MED28: variants seen among roughly 807,000 people sequenced by gnomAD.
The protein encoded by MED28 is mediator of RNA polymerase II transcription subunit 28.
A neutral mutation model predicts 21.3 loss-of-function variants in MED28; 26 were observed. The ratio of observed to expected loss-of-function variants is 1.22; its 90% CI spans 0.89 to 1.69. The LOEUF (loss-of-function observed/expected upper bound fraction) is 1.69. Among genes scored for constraint, MED28 ranks in the 40% most tolerant of loss-of-function variants. MED28 has a pLI of 0.00. For synonymous variants in MED28, 110 were observed against 87.6 expected, an observed-to-expected ratio of 1.26 and a Z score of -1.43; for missense variants, 257 against 215.4, an observed-to-expected ratio of 1.19 and a Z score of -1.21.
rs1714857046 is a variant in MED28 at position 17,629,288 on chromosome 4, T to G, written c.*5490T>G. ...GGTGGAGGTGAGGTGACGGTAGAGA[T>G]CAGTGCTACCCTTGGAAATCTGACA... is the stretch of plus-strand genomic sequence containing the variant. On this transcript the variant is annotated 3_prime_UTR_variant, in exon 4 of 4. Transcript: ENST00000237380. The G allele has an allele frequency of 6.6e-6, 1 of 152,252 alleles. No homozygotes were observed. The highest frequency in any genetic ancestry group is 2.1e-4 in the South Asian group (1 of 4,824). 9.4% of individuals were successfully genotyped at this position (152,252 alleles called of 1,614,324 possible). A position where few individuals can be genotyped will look rare whatever the true frequency, so the allele number is the denominator to read the frequency against.
At chr4:17,621,910 A>G (rs1041009285) in intron 3 of MED28, among the ~76,000 whole-genome samples, 1 of 152,236 alleles carries the variant, frequency 6.6e-6, no homozygotes, top group Non-Finnish European at 1.5e-5. Context: ...GTCAGACGGA[A>G]CAGCTCTGAT....
Position 17,633,777 on chromosome 4 carries a change from T to C in MED28, c.*9979T>C, listed in dbSNP as rs202198134. ...GGGTCCAAGCTGGGTGATGTAGTTATTGGAGGGGCATTAATCCTGGAACTC... is the reference window on the plus strand; with the variant it reads ...GGGTCCAAGCTGGGTGATGTAGTTACTGGAGGGGCATTAATCCTGGAACTC... On this transcript the variant is annotated 3_prime_UTR_variant, in exon 4 of 4. Transcript: ENST00000237380. 3,183 of 1,551,628 alleles carry C rather than the reference T, an allele frequency of 2.1e-3. 13 individuals carry two copies. The highest frequency in any genetic ancestry group is 2.5e-3 in the Non-Finnish European group (2,882 of 1,146,962).
chr4:17,617,561 A>G (rs964012), intron 1 of MED28, among the ~76,000 whole-genome samples: 105,554 of 152,188 alleles, frequency 0.69, 37,154 homozygotes, highest in East Asian at 0.93. Context: ...AAATGAGGAC[A>G]AGCACTTACT....
In MED28 at chr4:17,614,651, A is replaced by G; in HGVS notation, c.-4A>G. 3 of 1,606,534 alleles carry G rather than the reference A, an allele frequency of 1.9e-6. No individual in the cohort carries two copies. Among genetic ancestry groups the G allele is most frequent in the Non-Finnish European group, 1.7e-6 (2 of 1,177,204 alleles). On this transcript the variant is annotated 5_prime_UTR_variant, in exon 1 of 4. Transcript: ENST00000237380. Reference sequence around the variant, plus strand: ...CAGTGGATCTCTCTTGCGCCATTCCAAACATGGCGGCTCCACTAGGGGGTA... The same window carrying G: ...CAGTGGATCTCTCTTGCGCCATTCCGAACATGGCGGCTCCACTAGGGGGTA...
At chr4:17,619,769 TTGCCATCTCA>T (rs1333072976) in intron 1 of MED28, 122 bp from the exon 2 acceptor site, 1 of 724,650 alleles carries the variant, frequency 1.4e-6, no homozygotes, top group African/African-American at 1.8e-5. Context: ...GCATGGTGTC[TTGCCATCTCA>T]TATGCAAACA....
In MED28 at chr4:17,633,967, T is replaced by G; in HGVS notation, c.*10169T>G. 8.6e-7 allele frequency: 1 copy of G among 1,156,524 alleles called. No homozygotes were observed. The highest frequency in any genetic ancestry group is 1.1e-6 in the Non-Finnish European group (1 of 875,924). The allele number at this position is 1,156,524 out of a possible 1,614,324, so 71.6% of individuals were successfully genotyped here. ...GCATTATTGTAAAAGCAAATAATGCTCACCCAATCAAAATTGTATCGGAGA... is the reference window on the plus strand; with the variant it reads ...GCATTATTGTAAAAGCAAATAATGCGCACCCAATCAAAATTGTATCGGAGA... On this transcript the variant is annotated 3_prime_UTR_variant, in exon 4 of 4. Transcript: ENST00000237380.
At chr4:17,621,930 G>A (rs191014499) in intron 3 of MED28, among the ~76,000 whole-genome samples, 134 of 152,284 alleles carry the variant, frequency 8.8e-4, no homozygotes, top group African/African-American at 3.2e-3. Context: ...TGTGACTTGT[G>A]TCATACATTG....
chr4:17,621,861 C>T (rs989556661), intron 3 of MED28, among the ~76,000 whole-genome samples, 162 bp downstream of exon 3: 1 of 152,118 alleles, frequency 6.6e-6, no homozygotes, highest in Non-Finnish European at 1.5e-5. Flanking sequence ...ACAACCTGAA[C>T]AAGAAGTAAA....
chr4:17,615,585 G>A (rs11736333), intron 1 of MED28, among the ~76,000 whole-genome samples: 87,746 of 151,756 alleles, frequency 0.58, 26,352 homozygotes, highest in East Asian at 0.88. Context: ...GCCGAGGCTG[G>A]CGGATCATGA....
chr4:17,632,700 C>T lies in MED28; in HGVS notation c.*8902C>T. Reference sequence around the variant, plus strand: ...AGCAGCTTAATACCCACCATCTTTTCAGGGAAAGATAACTGCTTGTTTACT... The same window carrying T: ...AGCAGCTTAATACCCACCATCTTTTTAGGGAAAGATAACTGCTTGTTTACT... On this transcript the variant is annotated 3_prime_UTR_variant, in exon 4 of 4. Transcript: ENST00000237380. The T allele has an allele frequency of 1.0e-6, 1 of 984,150 alleles. No individual in the cohort carries two copies. Among genetic ancestry groups the T allele is most frequent in the Non-Finnish European group, 1.5e-6 (1 of 650,664 alleles). 61.0% of individuals were successfully genotyped at this position (984,150 alleles called of 1,614,324 possible).
chr4:17,615,319 C>T (rs1428895735), intron 1 of MED28, among the ~76,000 whole-genome samples: 8 of 152,082 alleles, frequency 5.3e-5, no homozygotes, highest in Admixed American at 1.3e-4. Context: ...GGGAGGGAGG[C>T]ACAGGTGACC....
chr4:17,622,348 TC>T (rs1714661100), intron 3 of MED28, among the ~76,000 whole-genome samples: 1 of 152,182 alleles, frequency 6.6e-6, no homozygotes, highest in South Asian at 2.1e-4. Context: ...AAGTAACTAG[TC>T]CCAATTAATC....
rs1714398828 is a variant in MED28 at position 17,614,830 on chromosome 4, G to T, written c.159+17G>T. 4 of 1,587,850 alleles carry T rather than the reference G, an allele frequency of 2.5e-6. No homozygotes were observed. Among genetic ancestry groups the T allele is most frequent in the Non-Finnish European group, 3.4e-6 (4 of 1,167,398 alleles). ...TCTTTCGAGGTAATATAAGACATGG[G>T]CGTCTTTGTCCCTAGCCTTCCCTTT... On this transcript the variant is annotated intron_variant, in intron 1 of 3. Transcript: ENST00000237380.
rs1714979759 is a variant in MED28 at position 17,632,415 on chromosome 4, T to G, written c.*8617T>G. The G allele has an allele frequency of 2.3e-6, 2 of 866,188 alleles. No individual in the cohort carries two copies. Among genetic ancestry groups the G allele is most frequent in the African/African-American group, 1.7e-5 (1 of 58,586 alleles). 53.7% of individuals were successfully genotyped at this position (866,188 alleles called of 1,614,324 possible). On this transcript the variant is annotated 3_prime_UTR_variant, in exon 4 of 4. Coordinates refer to ENST00000237380, the MANE Select transcript of MED28 (RefSeq NM_025205.5). ...TTAACGCCAAAATTTGTTTTAGCTA[T>G]CATATATAAATCATAAGCATATTAT... is the stretch of plus-strand genomic sequence containing the variant.
chr4:17,632,610 T>C lies in MED28; in HGVS notation c.*8812T>C. Reference sequence around the variant, plus strand: ...GCTGGACTTCTTTGGCTTGGGCCGTTTCACCATCTGGGGTCCTAAAAGCAA... The same window carrying C: ...GCTGGACTTCTTTGGCTTGGGCCGTCTCACCATCTGGGGTCCTAAAAGCAA... On this transcript the variant is annotated 3_prime_UTR_variant, in exon 4 of 4. Transcript: ENST00000237380. The C allele has an allele frequency of 6.5e-7, 1 of 1,550,356 alleles. No individual in the cohort carries two copies. The highest frequency in any genetic ancestry group is 8.7e-7 in the Non-Finnish European group (1 of 1,146,476).
chr4:17,617,160 G>A (rs1179658476), intron 1 of MED28, among the ~76,000 whole-genome samples: 1 of 152,200 alleles, frequency 6.6e-6, no homozygotes, highest in Non-Finnish European at 1.5e-5. Flanking sequence ...GGAGTGGTGC[G>A]AGCTGGATCC....
rs1714383056 is a variant in MED28, at chr4:17,614,653, A to G, written c.-2A>G. ...GTGGATCTCTCTTGCGCCATTCCAA[A>G]CATGGCGGCTCCACTAGGGGGTATG... is the stretch of plus-strand genomic sequence containing the variant. On this transcript the variant is annotated 5_prime_UTR_variant, in exon 1 of 4. Transcript: ENST00000237380. 6.2e-7 allele frequency: 1 copy of G among 1,606,268 alleles called. No individual in the cohort carries two copies. Among genetic ancestry groups the G allele is most frequent in the African/African-American group, 1.3e-5 (1 of 74,284 alleles).
At position 17,621,035 on chromosome 4, in the gene MED28, A is replaced by T. The variant is rs1407399068; in HGVS notation, c.227-552A>T. On this transcript the variant is annotated intron_variant, in intron 2 of 3. Coordinates refer to ENST00000237380, the MANE Select transcript of MED28 (RefSeq NM_025205.5). ...TGCCTTGTGTTTTTTTTTTTTTTTG[A>T]GACGGAGTCTCACTCTGTCACCAGT... Among the ~76,000 whole-genome samples the T allele has an allele frequency of 1.2e-3, 37 of 30,492 alleles. 1 individual carries two copies. Among genetic ancestry groups the T allele is most frequent in the African/African-American group, 3.1e-3 (33 of 10,526 alleles). The allele number at this position is 30,492 out of a possible 152,430, so 20.0% of individuals were successfully genotyped here. A position where few individuals can be genotyped will look rare whatever the true frequency, so the allele number is the denominator to read the frequency against.
Position 17,630,046 on chromosome 4 carries a change from C to A in MED28, c.*6248C>A, listed in dbSNP as rs1276007043. 1.3e-5 allele frequency: 2 copies of A among 152,164 alleles called. No individual in the cohort carries two copies. The highest frequency in any genetic ancestry group is 2.9e-5 in the Non-Finnish European group (2 of 68,020). The allele number at this position is 152,164 out of a possible 1,614,324, so 9.4% of individuals were successfully genotyped here. A position where few individuals can be genotyped will look rare whatever the true frequency, so the allele number is the denominator to read the frequency against. On this transcript the variant is annotated 3_prime_UTR_variant, in exon 4 of 4. Transcript: ENST00000237380. ...ATTTAGAAATTTAAGACTGAAAGAT[C>A]TTTTCAGTCACCTGCAGCAAGAAAG...
Sources: gnomAD v4.1 joint callset for allele counts (sites outside exome capture counted in the v4.1 genomes callset) on GRCh38, gnomAD v4.1.1 for gene constraint, MANE v1.5 for transcripts, NCBI Gene and HGNC (gene_info 2026-07-23, HGNC 2026-07-21) for gene names.